TTN: variants seen among roughly 807,000 people sequenced by gnomAD.
TTN encodes the protein titin.
A neutral mutation model predicts 3,223.0 loss-of-function variants in TTN; 1,525 were observed. The observed-to-expected ratio is 0.47, with a 90% CI of 0.45 to 0.49. The LOEUF (loss-of-function observed/expected upper bound fraction) is 0.49, where lower values mean the gene tolerates loss of function less well. Among genes scored for constraint, TTN ranks in the 20% least tolerant of loss-of-function variants. The probability of loss-of-function intolerance (pLI) is 0.00; values close to 1 mark genes in which losing one functional copy is unlikely to be tolerated. For missense variants in TTN, 40,786 were observed against 43,424.0 expected, an observed-to-expected ratio of 0.94 and a Z score of 5.40; for synonymous variants, 14,094 against 15,161.0, an observed-to-expected ratio of 0.93 and a Z score of 5.17.
At position 178,776,001 on chromosome 2, in the gene TTN, C is replaced by T. The variant is rs1460117000; in HGVS notation, c.5863G>A (p.Gly1955Arg). ...PRPEFHVHEP[G>R]KLQFEVQKVD... Reference sequence around the variant, plus strand: ...TTTTGTACTTCAAACTGAAGCTTTCCTGGTTCATGTACGTGAAACTCAGGC... The same window carrying T: ...TTTTGTACTTCAAACTGAAGCTTTCTTGGTTCATGTACGTGAAACTCAGGC... Residue 1955 changes from glycine (G) to arginine (R), a missense_variant, in exon 28 of 363, where the codon GGA (glycine) becomes AGA (arginine). Gly to Arg is a moderately radical substitution (Grantham distance 125). Transcript: ENST00000589042. 2 of 1,614,024 alleles carry T rather than the reference C, an allele frequency of 1.2e-6. No individual in the cohort carries two copies. Among genetic ancestry groups the T allele is most frequent in the African/African-American group, 2.7e-5 (2 of 74,922 alleles).
At chr2:178,750,489 G>A (rs989475345) in intron 47 of TTN, 1 of 1,612,902 alleles carries the variant, frequency 6.2e-7, no homozygotes, top group African/African-American at 1.3e-5. Context: ...ATAGGTTGAG[G>A]ATATCCTTGA....
At position 178,585,113 on chromosome 2, in the gene TTN, C is replaced by T. The variant is rs1231941272; in HGVS notation, c.64631G>A (p.Ser21544Asn). Reference protein sequence around the residue: ...SGYYSLTAENSSGTDTQKIKV... With the variant: ...SGYYSLTAENNSGTDTQKIKV... The stretch of plus-strand genomic sequence containing the variant: ...GATTTTCTGAGTGTCTGTCCCAGAA[C>T]TGTTCTCTGCTGTGAGGCTGTAGTA... The change falls in exon 309 of 363, where the codon AGT becomes AAT. Residue 21544 changes from serine to asparagine, a missense_variant. Ser to Asn is a conservative substitution (Grantham distance 46, BLOSUM62 1). Coordinates refer to ENST00000589042, the MANE Select transcript of TTN (RefSeq NM_001267550.2). 1 of 1,612,182 alleles carries T rather than the reference C, an allele frequency of 6.2e-7. No individual in the cohort carries two copies. Among genetic ancestry groups the T allele is most frequent in the Non-Finnish European group, 8.5e-7 (1 of 1,178,854 alleles).
intron 121 of TTN, among the ~76,000 whole-genome samples, chr2:178,690,284 TCTAAGACTATTTTAGA>T (rs1560413259): frequency 2.0e-5 from 3 of 152,210 alleles, no homozygotes; most frequent in African/African-American, 7.2e-5. Flanking sequence ...CTTTAGTTTA[TCTAAGACTATTTTAGA>T]CTAAGACTAA....
At position 178,549,755 on chromosome 2, in the gene TTN, A is replaced by C; in HGVS notation, c.91967T>G (p.Ile30656Ser). ...NDGCAPITHY[I>S]IEKRETSRLA... ...TCTGCTGGTTTCCCGTTTTTCAATGATGTAGTGGGTTATGGGAGCACAACC... is the reference window on the plus strand; with the variant it reads ...TCTGCTGGTTTCCCGTTTTTCAATGCTGTAGTGGGTTATGGGAGCACAACC... The change falls in exon 338 of 363, where the codon ATC becomes AGC. Residue 30656 changes from isoleucine (I) to serine (S), a missense_variant. By Grantham distance (142) the Ile-to-Ser change is moderately radical (BLOSUM62 -2). Coordinates refer to ENST00000589042, the MANE Select transcript of TTN (RefSeq NM_001267550.2). 1.1e-5 allele frequency: 17 copies of C among 1,613,710 alleles called. No individual in the cohort carries two copies. The highest frequency in any genetic ancestry group is 1.4e-5 in the Non-Finnish European group (16 of 1,179,750).
Position 178,618,215 on chromosome 2 carries a change from T to C in TTN, c.47243A>G (p.Asn15748Ser). The C allele has an allele frequency of 1.9e-6, 3 of 1,612,664 alleles. No individual in the cohort carries two copies. The highest frequency in any genetic ancestry group is 2.5e-6 in the Non-Finnish European group (3 of 1,179,148). The change falls in exon 252 of 363, where the codon AAT (asparagine) becomes AGT (serine). Residue 15748 changes from asparagine (N) to serine (S), a missense_variant. Transcript: ENST00000589042. Reference sequence around the variant, plus strand: ...ATATTTACTCCTTGCTTCTACAGGATTGTCAGTTTCTACTGGCTCACCAGT... The same window carrying C: ...ATATTTACTCCTTGCTTCTACAGGACTGTCAGTTTCTACTGGCTCACCAGT... Reference protein sequence around the residue: ...VGTGEPVETDNPVEARSKYDV... With the variant: ...VGTGEPVETDSPVEARSKYDV...
chr2:178,651,255 G>A lies in TTN; in HGVS notation c.39613C>T (p.Pro13205Ser). 1 of 1,613,020 alleles carries A rather than the reference G, an allele frequency of 6.2e-7. No homozygotes were observed. Among genetic ancestry groups the A allele is most frequent in the Non-Finnish European group, 8.5e-7 (1 of 1,179,336 alleles). ...TAGTGACATGTACCTTTTGCTGGTG[G>A]GACTTCTGGCTTTTTGGGAACAGCT... ...KVAVPKKPEV[P>S]PAKVPEVPKK... The change falls in exon 208 of 363, where the codon CCA becomes TCA. Residue 13205 changes from proline to serine, a missense_variant. By Grantham distance (74) the Pro-to-Ser change is moderately conservative. Coordinates refer to ENST00000589042, the MANE Select transcript of TTN (RefSeq NM_001267550.2).
chr2:178,600,506 G>A (rs921780666), intron 288 of TTN: 1 of 223,146 alleles, frequency 4.5e-6, no homozygotes, highest in African/African-American at 2.2e-5. Flanking sequence ...GAAGATAAAT[G>A]GGTCTCAGCA....
At chr2:178,745,235 A>G in intron 47 of TTN, 1 of 1,089,176 alleles carries the variant, frequency 9.2e-7, no homozygotes, top group Non-Finnish European at 1.1e-6. Flanking sequence ...ACTTTTGCAT[A>G]TATGGTTTAT....
At position 178,630,986 on chromosome 2, in the gene TTN, C is replaced by T. The variant is rs752380227; in HGVS notation, c.44015-43G>A. On this transcript the variant is annotated intron_variant, in intron 237 of 362. Transcript: ENST00000589042. ...CAGCATGGGTCATTAGCCTCTGGCACAAATAACCCCAATGCTTCAAGAGTG... is the reference window on the plus strand; with the variant it reads ...CAGCATGGGTCATTAGCCTCTGGCATAAATAACCCCAATGCTTCAAGAGTG... The T allele has an allele frequency of 5.0e-6, 8 of 1,611,238 alleles. No individual in the cohort carries two copies. In the African/African-American group the frequency reaches 8.0e-5, roughly 16 times the overall value.
Position 178,545,496 on chromosome 2 carries a change from T to C in TTN, c.95614A>G (p.Ser31872Gly). The change falls in exon 344 of 363, where the codon AGC becomes GGC. Residue 31872 changes from serine to glycine, a missense_variant. Coordinates refer to ENST00000589042, the MANE Select transcript of TTN (RefSeq NM_001267550.2). ...VVYDTRLKVT[S>G]LMEGCDYQFR... ...TGGTAATCACAACCCTCCATCAGGCTGGTCACCTTCAGCCTGGTATCATAC... is the reference window on the plus strand; with the variant it reads ...TGGTAATCACAACCCTCCATCAGGCCGGTCACCTTCAGCCTGGTATCATAC... 1 of 1,613,676 alleles carries C rather than the reference T, an allele frequency of 6.2e-7. No homozygotes were observed. The highest frequency in any genetic ancestry group is 1.1e-5 in the South Asian group (1 of 91,066).
At chr2:178,582,627 A>G in intron 313 of TTN, 35 bp from the exon 314 acceptor site, 1 of 1,566,978 alleles carries the variant, frequency 6.4e-7, no homozygotes, top group Non-Finnish European at 8.7e-7. Context: ...AATATGTGGA[A>G]TGGGGAATGA....
chr2:178,678,574 G>C lies in TTN; in HGVS notation c.33827-77C>G. The C allele has an allele frequency of 4.7e-6, 6 of 1,285,310 alleles. No individual in the cohort carries two copies. In the South Asian group the frequency reaches 8.8e-5, roughly 19 times the overall value. 79.6% of individuals were successfully genotyped at this position (1,285,310 alleles called of 1,614,324 possible). ...TCCAAGCATAGTTTCAAAAGATTAA[G>C]ATAAGGTAATAAAAGTATGACAAAG... On this transcript the variant is annotated intron_variant, in intron 143 of 362. Coordinates refer to ENST00000589042, the MANE Select transcript of TTN (RefSeq NM_001267550.2).
In TTN at chr2:178,547,489, A is replaced by C; in HGVS notation, c.94137T>G (p.Tyr31379Ter). The change falls in exon 339 of 363, where the codon TAT (tyrosine) becomes TAG (stop). Residue 31379 changes from tyrosine to a stop codon, truncating the protein, a stop_gained. Coordinates refer to ENST00000589042, the MANE Select transcript of TTN (RefSeq NM_001267550.2). LOFTEE classifies it high-confidence loss of function. ...TGTTCTCTGAACTGACACGGAAAGAATATTCCATGTATTTTGTGAGATGAG... is the reference window on the plus strand; with the variant it reads ...TGTTCTCTGAACTGACACGGAAAGACTATTCCATGTATTTTGTGAGATGAG... ...KVTHLTKYME[Y>*]SFRVSSENRF... The C allele has an allele frequency of 6.2e-7, 1 of 1,613,180 alleles. No homozygotes were observed. The highest frequency in any genetic ancestry group is 8.5e-7 in the Non-Finnish European group (1 of 1,179,512).
intron 224 of TTN, 22 bp downstream of exon 224, chr2:178,637,347 G>A (rs755925010): frequency 4.2e-6 from 6 of 1,444,982 alleles, no homozygotes; most frequent in South Asian, 1.6e-5. Flanking sequence ...TACAATGCAA[G>A]TACTAGAAAA....
rs886055279 is a variant in TTN, at chr2:178,651,535, C to T, written c.39465G>A (p.Val13155=). ...GAACAACCTCCTTGGGCACCTCGGG[C>T]ACTATAAAAGATATTAGTAGTTGTT... ...AKKPELPPVK[V]PEVPKEVVPE... Residue 13155 remains valine, a splice_region_variant and synonymous_variant, in exon 207 of 363, where the codon GTG becomes GTA. Transcript: ENST00000589042. 1.9e-6 allele frequency: 3 copies of T among 1,612,526 alleles called. No homozygotes were observed. The highest frequency in any genetic ancestry group is 2.5e-6 in the Non-Finnish European group (3 of 1,179,392).
In TTN at chr2:178,544,525, G is replaced by A. The variant is rs1347830182; in HGVS notation, c.95723-19C>T. On this transcript the variant is annotated intron_variant, in intron 344 of 362. Transcript: ENST00000589042. ...GGGGTATCTGTGGAATTTAAAAAGTGAGATGCAGATATTAGGCAAATAAGG... is the reference window on the plus strand; with the variant it reads ...GGGGTATCTGTGGAATTTAAAAAGTAAGATGCAGATATTAGGCAAATAAGG... 2.5e-6 allele frequency: 4 copies of A among 1,573,576 alleles called. No individual in the cohort carries two copies. The South Asian group carries it at 3.5e-5, about 14-fold the overall frequency.
Position 178,634,229 on chromosome 2 carries a change from AG to A in TTN, c.42415+136del. ...ATAGAGCTCCACTAAAAACAAATTA[AG>A]GGGGGTTGTTTTGGTAACACTGTGA... On this transcript the variant is annotated intron_variant, in intron 230 of 362. Transcript: ENST00000589042. This position sits in a 1 kb window ranked among gnomAD's most constrained non-coding sequence, Gnocchi z 4.6. The A allele has an allele frequency of 6.8e-7, 1 of 1,478,508 alleles. No homozygotes were observed. Among genetic ancestry groups the A allele is most frequent in the Non-Finnish European group, 9.0e-7 (1 of 1,115,448 alleles). The allele number at this position is 1,478,508 out of a possible 1,614,324, so 91.6% of individuals were successfully genotyped here. A position where few individuals can be genotyped will look rare whatever the true frequency, so the allele number is the denominator to read the frequency against.
chr2:178,734,644 A>C (rs1429265928), intron 51 of TTN, 38 bp from the exon 52 acceptor site: 1 of 1,565,176 alleles, frequency 6.4e-7, no homozygotes, highest in Non-Finnish European at 8.7e-7. Context: ...GTAATGGGTA[A>C]TAAGTAATTA....
In TTN at chr2:178,704,126, ACT is replaced by A. The variant is rs1293447781; in HGVS notation, c.30223+19_30223+20del. ...ATTGACCTATGCTGTACCCACAAGG[ACT>A]CCATAGTGTTTCACGCACCTTCGAT... On this transcript the variant is annotated intron_variant, in intron 106 of 362. Coordinates refer to ENST00000589042, the MANE Select transcript of TTN (RefSeq NM_001267550.2). 1 of 1,611,096 alleles carries A rather than the reference ACT, an allele frequency of 6.2e-7. No homozygotes were observed. Among genetic ancestry groups the A allele is most frequent in the African/African-American group, 1.3e-5 (1 of 74,818 alleles).
Sources: allele counts gnomAD v4.1 joint callset (sites outside exome capture counted in the v4.1 genomes callset), GRCh38; gene constraint gnomAD v4.1.1; non-coding constraint Gnocchi (gnomAD v3.1); transcripts MANE v1.5; gene names NCBI Gene and HGNC (gene_info 2026-07-23, HGNC 2026-07-21).